LYRM7: variants seen among roughly 807,000 people sequenced by gnomAD.
LYRM7 encodes LYR motif containing 7.
LYRM7 carries 9 observed loss-of-function variants against 15.8 expected under a neutral mutation model. The observed-to-expected ratio is 0.57, with a 90% CI of 0.34 to 0.99. The LOEUF (loss-of-function observed/expected upper bound fraction) is 0.99. Among genes scored for constraint, LYRM7 ranks in the 50% least tolerant of loss-of-function variants. LYRM7 has a pLI of 0.02. For missense variants in LYRM7, 115 were observed against 119.1 expected, an observed-to-expected ratio of 0.97 and a Z score of 0.16; for synonymous variants, 39 against 39.4, an observed-to-expected ratio of 0.99 and a Z score of 0.04.
intron 1 of LYRM7, among the ~76,000 whole-genome samples, chr5:131,174,923 C>T (rs575544109): frequency 1.3e-5 from 2 of 152,116 alleles, no homozygotes; most frequent in Non-Finnish European, 2.9e-5. Flanking sequence ...TATTGGCAGT[C>T]ATGAAAACAA....
chr5:131,196,102 C>CTTT (rs561484173), intron 4 of LYRM7, among the ~76,000 whole-genome samples: 3 of 131,016 alleles, frequency 2.3e-5, no homozygotes, highest in South Asian at 2.5e-4. Flanking sequence ...TTCTCCTGTT[C>CTTT]TTTTTTTTTT....
chr5:131,197,846 CTGTGTG>C (rs56146861), intron 4 of LYRM7, among the ~76,000 whole-genome samples: 2,973 of 143,208 alleles, frequency 0.021, 45 homozygotes, highest in Non-Finnish European at 0.02. Flanking sequence ...CATCTGGCCA[CTGTGTG>C]TGTGTGTGTG....
rs561008958 is a variant in LYRM7 at position 131,184,640 on chromosome 5, CG to C, written c.162+2351del. On this transcript the variant is annotated intron_variant, in intron 3 of 4. Transcript: ENST00000379380. ...GTCAGACAAATGGAATTTTTTTTGG[CG>C]GGGGGGGGGTTCCAGGATTCATGCA... Among the ~76,000 whole-genome samples, 306 of 127,198 alleles carry C rather than the reference CG, an allele frequency of 2.4e-3. 2 individuals carry two copies. The highest frequency in any genetic ancestry group is 3.5e-3 in the Non-Finnish European group (219 of 63,370). 83.4% of individuals were successfully genotyped at this position (127,198 alleles called of 152,430 possible).
intron 4 of LYRM7, among the ~76,000 whole-genome samples, chr5:131,199,152 T>C (rs1756017941): frequency 6.6e-6 from 1 of 152,228 alleles, no homozygotes; most frequent in South Asian, 2.1e-4. Context: ...ATCTTTAAAT[T>C]AGGAGACCAG....
intron 3 of LYRM7, among the ~76,000 whole-genome samples, chr5:131,183,256 A>T (rs1005700580): frequency 6.6e-6 from 1 of 152,184 alleles, no homozygotes; most frequent in Non-Finnish European, 1.5e-5. Context: ...TAAAATAAAC[A>T]AAAAGGGAAA....
chr5:131,174,160 C>T (rs907290117), intron 1 of LYRM7, among the ~76,000 whole-genome samples: 1 of 152,204 alleles, frequency 6.6e-6, no homozygotes, highest in Admixed American at 6.5e-5. Context: ...AGCATCTTCA[C>T]CAGGGGTGAA....
At chr5:131,186,032 A>C (rs79761231) in intron 3 of LYRM7, among the ~76,000 whole-genome samples, 1,824 of 152,356 alleles carry the variant, frequency 0.012, 21 homozygotes, top group Admixed American at 0.026. Context: ...GTAAAGGTAA[A>C]AAATGGTATT....
intron 1 of LYRM7, among the ~76,000 whole-genome samples, chr5:131,176,477 C>A (rs1325519162): frequency 6.7e-6 from 1 of 148,990 alleles, no homozygotes; most frequent in Non-Finnish European, 1.5e-5. Flanking sequence ...CCAGATGGCA[C>A]ATGACATTGA....
intron 4 of LYRM7, among the ~76,000 whole-genome samples, chr5:131,198,195 T>A (rs1756000721): frequency 6.6e-6 from 1 of 152,158 alleles, no homozygotes; most frequent in African/African-American, 2.4e-5. Context: ...TTCCTAAATA[T>A]ACAAGGACAT....
intron 4 of LYRM7, among the ~76,000 whole-genome samples, chr5:131,193,797 G>T (rs1176850010): frequency 1.3e-5 from 2 of 152,102 alleles, no homozygotes; most frequent in East Asian, 3.9e-4. Flanking sequence ...ATCAACTGAG[G>T]TCAGAAGTTC....
rs147819555 is a variant in LYRM7 at position 131,193,039 on chromosome 5, A to G, written c.244+5930A>G. 3.4e-3 allele frequency among the ~76,000 whole-genome samples: 512 copies of G among 152,256 alleles called. 5 individuals are homozygous for G. The highest frequency in any genetic ancestry group is 0.012 in the African/African-American group (488 of 41,546). ...TACTTAGTTTTTTAATAGGATCCAT[A>G]TTTTTTAACTTCCTCTCTGGCATAT... On this transcript the variant is annotated intron_variant, in intron 4 of 4. Coordinates refer to ENST00000379380, the MANE Select transcript of LYRM7 (RefSeq NM_181705.4).
Position 131,199,513 on chromosome 5 carries a change from T to C in LYRM7, c.245-18T>C, listed in dbSNP as rs752267788. ...ATTTTAGTGATGTTAATTATTCTCT[T>C]TTTTTTTTTTCTTTCAGAACTGGTC... On this transcript the variant is annotated intron_variant, in intron 4 of 4. Transcript: ENST00000379380. 40 of 1,415,830 alleles carry C rather than the reference T, an allele frequency of 2.8e-5. No individual in the cohort carries two copies. Among genetic ancestry groups the C allele is most frequent in the African/African-American group, 5.9e-5 (4 of 67,464 alleles). The allele number at this position is 1,415,830 out of a possible 1,614,324, so 87.7% of individuals were successfully genotyped here.
intron 3 of LYRM7, 68 bp downstream of exon 3, chr5:131,182,367 T>C (rs1561544977): frequency 3.3e-6 from 4 of 1,223,714 alleles, no homozygotes; most frequent in Non-Finnish European, 4.3e-6. Flanking sequence ...ATGATGAAGA[T>C]AGAGGGGTTA....
intron 4 of LYRM7, among the ~76,000 whole-genome samples, chr5:131,187,932 CT>C (rs944105093): frequency 6.6e-6 from 1 of 152,036 alleles, no homozygotes; most frequent in African/African-American, 2.4e-5. Flanking sequence ...TCTAAAGTAT[CT>C]TTGGGGACAG....
intron 4 of LYRM7, among the ~76,000 whole-genome samples, chr5:131,187,773 A>AT (rs1369738405): frequency 6.6e-6 from 1 of 152,044 alleles, no homozygotes; most frequent in Non-Finnish European, 1.5e-5. Context: ...TGCATGAGCC[A>AT]TTGCACCTGG....
intron 1 of LYRM7, among the ~76,000 whole-genome samples, chr5:131,175,405 G>T (rs1192110548): frequency 6.6e-6 from 1 of 151,770 alleles, no homozygotes; most frequent in Non-Finnish European, 1.5e-5. Context: ...CTCCATGTTG[G>T]TCAGGCTGGT....
At chr5:131,194,689 C>G (rs1025665238) in intron 4 of LYRM7, among the ~76,000 whole-genome samples, 1 of 152,178 alleles carries the variant, frequency 6.6e-6, no homozygotes, top group African/African-American at 2.4e-5. Context: ...TGGCAACATC[C>G]GAAGTGTAGC....
intron 1 of LYRM7, among the ~76,000 whole-genome samples, chr5:131,175,060 G>A (rs796687714): frequency 6.4e-4 from 98 of 152,106 alleles, no homozygotes; most frequent in African/African-American, 2.1e-3. Flanking sequence ...TAAAATATCC[G>A]CGAACCATGC....
At chr5:131,176,828 T>A (rs1329012801) in intron 1 of LYRM7, among the ~76,000 whole-genome samples, 1 of 152,234 alleles carries the variant, frequency 6.6e-6, no homozygotes, top group Non-Finnish European at 1.5e-5. Flanking sequence ...TTTGATTTTC[T>A]GTTTCTGAGT....
Sources: gnomAD v4.1 joint callset for allele counts (sites outside exome capture counted in the v4.1 genomes callset) on GRCh38, gnomAD v4.1.1 for gene constraint, MANE v1.5 for transcripts, NCBI Gene and HGNC (gene_info 2026-07-23, HGNC 2026-07-21) for gene names.